The following HAUS4 variants were observed in gnomAD, a reference collection of about 807,000 sequenced individuals.
HAUS4 encodes the protein HAUS augmin-like complex subunit 4.
A neutral mutation model predicts 50.6 loss-of-function variants in HAUS4; 34 were observed. That is an observed-to-expected ratio of 0.67 (90% CI 0.51 to 0.90). The LOEUF (loss-of-function observed/expected upper bound fraction) is 0.90, where lower values mean the gene tolerates loss of function less well. Among genes scored for constraint, HAUS4 ranks in the 40% least tolerant of loss-of-function variants. The probability of loss-of-function intolerance (pLI) is 0.00; values close to 1 mark genes in which losing one functional copy is unlikely to be tolerated. For missense variants in HAUS4, 370 were observed against 428.7 expected, an observed-to-expected ratio of 0.86 and a Z score of 1.21; for synonymous variants, 149 against 161.4, an observed-to-expected ratio of 0.92 and a Z score of 0.58.
chr14:22,947,766 TAAAG>T (rs1469682143), intron 7 of HAUS4, 35 bp from the exon 8 acceptor site: 1 of 1,613,104 alleles, frequency 6.2e-7, no homozygotes, highest in Admixed American at 1.7e-5. Flanking sequence ...AGGGCATAAA[TAAAG>T]ATAGTAGAAA....
intron 2 of HAUS4, among the ~76,000 whole-genome samples, chr14:22,954,087 A>C (rs2044813716): frequency 6.6e-6 from 1 of 152,168 alleles, no homozygotes; most frequent in African/African-American, 2.4e-5. Flanking sequence ...AAATACTTAT[A>C]ATTGTCAGTA....
intron 8 of HAUS4, 159 bp downstream of exon 8, chr14:22,947,442 G>T: frequency 1.2e-6 from 1 of 823,838 alleles, no homozygotes; most frequent in Non-Finnish European, 1.9e-6. Context: ...CAAGGATGTT[G>T]AAAGCTTTTG....
chr14:22,955,692 AATC>A (rs989516049), intron 1 of HAUS4: 7 of 152,234 alleles, frequency 4.6e-5, no homozygotes, highest in African/African-American at 1.7e-4. Flanking sequence ...TTAACTCTAG[AATC>A]ATCCTTCAGG....
At chr14:22,950,939 C>A (rs567899868) in intron 5 of HAUS4, among the ~76,000 whole-genome samples, 1 of 152,304 alleles carries the variant, frequency 6.6e-6, no homozygotes, top group South Asian at 2.1e-4. Flanking sequence ...TAGAAGCTAT[C>A]ATCTTATTTA....
chr14:22,947,908 T>C lies in HAUS4; in HGVS notation c.668A>G (p.Gln223Arg). 6.2e-7 allele frequency: 1 copy of C among 1,614,132 alleles called. No homozygotes were observed. Among genetic ancestry groups the C allele is most frequent in the Non-Finnish European group, 8.5e-7 (1 of 1,179,992 alleles). Residue 223 changes from glutamine to arginine, a missense_variant, in exon 7 of 10, where the codon CAG becomes CGG. Gln to Arg is a conservative substitution (Grantham distance 43). Transcript: ENST00000541587. ...ACTCTTCTTCTCCAGCAGCAACATC[T>C]GCTCCTTCTGCTGGCTCTTGGCATC... is the stretch of plus-strand genomic sequence containing the variant. ...CQDAKSQQKE[Q>R]MLLLEKKSAA...
At chr14:22,947,032 C>T (rs1224939061) in intron 9 of HAUS4, 139 bp downstream of exon 9, 4 of 671,696 alleles carry the variant, frequency 6.0e-6, no homozygotes, top group African/African-American at 3.6e-5. Context: ...GAGCTGCCCA[C>T]CTCGGCCTCC....
intron 9 of HAUS4, 30 bp from the exon 10 acceptor site, chr14:22,946,738 T>C (rs578116647): frequency 5.5e-5 from 82 of 1,480,234 alleles, no homozygotes; most frequent in Non-Finnish European, 7.6e-5. Context: ...AGGCACAATA[T>C]AAGGGTGCTG....
In HAUS4 at chr14:22,946,401, T is replaced by A; in HGVS notation, c.*124A>T. ...AGAGTGCCTAAATGACTGCAGTGTT[T>A]CAAGCGTAAGCATTTCCACACTCCC... On this transcript the variant is annotated 3_prime_UTR_variant, in exon 10 of 10. Transcript: ENST00000541587. 1 of 627,834 alleles carries A rather than the reference T, an allele frequency of 1.6e-6. No homozygotes were observed. The highest frequency in any genetic ancestry group is 3.3e-5 in the Admixed American group (1 of 30,656). 38.9% of individuals were successfully genotyped at this position (627,834 alleles called of 1,614,324 possible).
At chr14:22,947,146 G>A (rs202091153) in intron 9 of HAUS4, 25 bp downstream of exon 9, 8 of 1,419,254 alleles carry the variant, frequency 5.6e-6, no homozygotes, top group Non-Finnish European at 7.0e-6. Context: ...GTGAACAGCT[G>A]TACCAGACTC....
chr14:22,950,195 GC>G (rs2139301474), intron 6 of HAUS4, 118 bp downstream of exon 6: 1 of 445,660 alleles, frequency 2.2e-6, no homozygotes, highest in African/African-American at 2.0e-5. Context: ...AAACAAATAA[GC>G]ATCTCTGATG....
At chr14:22,950,944 T>C (rs8016027) in intron 5 of HAUS4, among the ~76,000 whole-genome samples, 70,200 of 152,164 alleles carry the variant, frequency 0.46, 19,853 homozygotes, top group East Asian at 0.79. Flanking sequence ...GCTATCATCT[T>C]ATTTACATTT....
chr14:22,951,173 TG>T lies in HAUS4; in HGVS notation c.465+381del, dbSNP rs201248067. Among the ~76,000 whole-genome samples the T allele has an allele frequency of 3.9e-4, 58 of 149,690 alleles. 3 individuals are homozygous for T. Among genetic ancestry groups the T allele is most frequent in the Non-Finnish European group, 5.2e-4 (35 of 67,102 alleles). On this transcript the variant is annotated intron_variant, in intron 5 of 9. Coordinates refer to ENST00000541587, the MANE Select transcript of HAUS4 (RefSeq NM_001166269.2). ...GCACCACCAAACCTGGCTTTTGTTT[TG>T]TTTTTTTTTTGGTAGAGACGAGGTC...
chr14:22,948,952 T>C (rs1397959919), intron 6 of HAUS4, among the ~76,000 whole-genome samples: 1 of 150,130 alleles, frequency 6.7e-6, no homozygotes, highest in Non-Finnish European at 1.5e-5. Flanking sequence ...GTCAGGAGTT[T>C]GAGACCATCC....
At chr14:22,950,554 A>G in intron 5 of HAUS4, 144 bp from the exon 6 acceptor site, 1 of 578,512 alleles carries the variant, frequency 1.7e-6, no homozygotes, top group Non-Finnish European at 3.1e-6. Context: ...TTCACCTATC[A>G]AATTAGCGAA....
chr14:22,951,381 T>G (rs2044749704), intron 5 of HAUS4, 174 bp downstream of exon 5: 1 of 675,422 alleles, frequency 1.5e-6, no homozygotes, highest in Admixed American at 2.6e-5. Context: ...TGCTTCTAGA[T>G]GCAGTATTTC....
chr14:22,947,316 G>A (rs904838431), intron 8 of HAUS4, 77 bp from the exon 9 acceptor site: 14 of 996,822 alleles, frequency 1.4e-5, no homozygotes, highest in Non-Finnish European at 2.1e-5. Flanking sequence ...CGTAGTACCT[G>A]CCGACGGTCA....
Position 22,947,951 on chromosome 14 carries a change from CA to C in HAUS4, c.624del (p.Glu209SerfsTer46). The part of the protein sequence containing the change: ...KVWKLAEVLV[G>X]EQQQCQDAKS... ...TTGGCATCCTGGCACTGCTGCTGCT[CA>C]CCCACCAGGACCTCTGCGAGTTTCC... is the stretch of plus-strand genomic sequence containing the variant. On this transcript the variant is annotated frameshift_variant, in exon 7 of 10. Transcript: ENST00000541587. LOFTEE classifies it high-confidence loss of function. The C allele has an allele frequency of 6.2e-7, 1 of 1,614,060 alleles. No individual in the cohort carries two copies. Among genetic ancestry groups the C allele is most frequent in the Non-Finnish European group, 8.5e-7 (1 of 1,179,962 alleles).
chr14:22,954,688 A>G (rs953265855), intron 2 of HAUS4: 2 of 157,396 alleles, frequency 1.3e-5, no homozygotes, highest in Non-Finnish European at 2.8e-5. Context: ...TCAGAAACAC[A>G]TGCTTCTGTG....
chr14:22,947,665 C>G lies in HAUS4; in HGVS notation c.775G>C (p.Glu259Gln), dbSNP rs750312589. Residue 259 changes from glutamate (E) to glutamine (Q), a missense_variant, in exon 8 of 10, where the codon GAG (glutamate) becomes CAG (glutamine). Coordinates refer to ENST00000541587, the MANE Select transcript of HAUS4 (RefSeq NM_001166269.2). Reference protein sequence around the residue: ...LQEHRLKTQSELDRINAQYLE... With the variant: ...LQEHRLKTQSQLDRINAQYLE... ...TACTGGGCATTGATGCGGTCTAGCT[C>G]GGATTGAGTCTTCAGCCGGTGTTCT... 1.2e-6 allele frequency: 2 copies of G among 1,613,952 alleles called. No homozygotes were observed. Among genetic ancestry groups the G allele is most frequent in the East Asian group, 2.2e-5 (1 of 44,894 alleles).
Sources: allele counts gnomAD v4.1 joint callset (sites outside exome capture counted in the v4.1 genomes callset), GRCh38; gene constraint gnomAD v4.1.1; transcripts MANE v1.5; gene names NCBI Gene and HGNC (gene_info 2026-07-23, HGNC 2026-07-21).